DPH6: variants seen among roughly 807,000 people sequenced by gnomAD.
DPH6 encodes the protein diphthamine biosynthesis 6.
Under a neutral mutation model 38.2 loss-of-function variants are expected in DPH6, and 33 were observed. That is an observed-to-expected ratio of 0.86 (90% CI 0.65 to 1.15). The LOEUF (loss-of-function observed/expected upper bound fraction) is 1.15, where lower values mean the gene tolerates loss of function less well. Among genes scored for constraint, DPH6 ranks in the 50% most tolerant of loss-of-function variants. DPH6 has a pLI of 0.00. For missense variants in DPH6, 325 were observed against 320.0 expected (o/e 1.02, Z -0.12); for synonymous variants, 108 against 103.0 (o/e 1.05, Z -0.30).
chr15:35,237,967 G>A (rs1183285790), intron 3 of DPH6: 18 of 1,428,616 alleles, frequency 1.3e-5, no homozygotes, highest in African/African-American at 1.4e-5. Flanking sequence ...ACGATGGAGA[G>A]GTTGATGATG....
At chr15:35,216,171 C>T (rs2051410179), downstream of DPH6, among the ~76,000 whole-genome samples, 1 of 152,184 alleles carries the variant, frequency 6.6e-6, no homozygotes, top group Non-Finnish European at 1.5e-5. Context: ...GGCCTTTGGA[C>T]AGGTTACCCT....
At chr15:35,381,683 T>C (rs1231873576) in intron 7 of DPH6, 139 bp downstream of exon 7, 1 of 680,466 alleles carries the variant, frequency 1.5e-6, no homozygotes, top group Non-Finnish European at 2.6e-6. Context: ...ACTTCACTGG[T>C]ATTAAACAAA....
intron 7 of DPH6, 53 bp from the exon 8 acceptor site, chr15:35,373,661 A>G (rs1305246296): frequency 6.8e-7 from 1 of 1,462,034 alleles, no homozygotes; most frequent in Non-Finnish European, 9.5e-7. Flanking sequence ...ATTGTGACAA[A>G]TCATTCCTCC....
chr15:35,417,117 T>C (rs2053446183), intron 5 of DPH6, among the ~76,000 whole-genome samples: 1 of 152,088 alleles, frequency 6.6e-6, no homozygotes, highest in Admixed American at 6.6e-5. Flanking sequence ...GTATAAAGAT[T>C]GAATACTTAA....
rs367968551 is a variant in DPH6 at position 35,517,634 on chromosome 15, GT to G, written c.312+20639del. 6.9e-3 allele frequency among the ~76,000 whole-genome samples: 1,042 copies of G among 152,060 alleles called. 16 individuals are homozygous for G. The highest frequency in any genetic ancestry group is 0.024 in the African/African-American group (985 of 41,514). ...TAAAAAGATACTTTCACAGTTCTCA[GT>G]TTTAACCCAAGTGATATACAAAAAA... On this transcript the variant is annotated intron_variant, in intron 3 of 8. Transcript: ENST00000256538.
chr15:35,172,795 G>C, the DPH6 span, among the ~76,000 whole-genome samples: 1 of 151,992 alleles, frequency 6.6e-6, no homozygotes, highest in African/African-American at 2.4e-5. Context: ...GGGCTCAAGC[G>C]ATCCTCCTGC....
chr15:35,451,696 G>A (rs1595377139), intron 4 of DPH6, among the ~76,000 whole-genome samples: 1 of 152,062 alleles, frequency 6.6e-6, no homozygotes. Context: ...TTTCAACACA[G>A]CAGCCAATGT....
At chr15:35,531,718 C>T (rs376559995) in intron 3 of DPH6, among the ~76,000 whole-genome samples, 1 of 152,264 alleles carries the variant, frequency 6.6e-6, no homozygotes, top group Middle Eastern at 3.4e-3. Flanking sequence ...GTCTGCCCGC[C>T]TCGGCCTCCT....
intron 3 of DPH6, among the ~76,000 whole-genome samples, chr15:35,511,136 T>G (rs1050551119): frequency 6.6e-6 from 1 of 152,184 alleles, no homozygotes; most frequent in Non-Finnish European, 1.5e-5. Context: ...GAATTTTTAA[T>G]AAGATCCCCA....
chr15:35,149,110 C>A, the DPH6 span, among the ~76,000 whole-genome samples: 2 of 152,158 alleles, frequency 1.3e-5, no homozygotes, highest in Admixed American at 1.3e-4. Flanking sequence ...CAGCCTATAA[C>A]TATCCTTATA....
chr15:35,223,243 C>T (rs2051454350), intron 3 of DPH6, among the ~76,000 whole-genome samples: 1 of 151,976 alleles, frequency 6.6e-6, no homozygotes. Flanking sequence ...GGTAGAAGAG[C>T]AAAAAGAGGG....
the DPH6 span, among the ~76,000 whole-genome samples, chr15:35,164,810 G>T: frequency 6.5e-4 from 99 of 151,754 alleles, no homozygotes; most frequent in Non-Finnish European, 1.1e-3. Flanking sequence ...CACCTTTCTA[G>T]GCATTGGCCT....
chr15:35,461,721 C>T (rs1566918878), intron 3 of DPH6, among the ~76,000 whole-genome samples: 1 of 151,920 alleles, frequency 6.6e-6, no homozygotes. Flanking sequence ...CCACTTTTTA[C>T]TTTATATATT....
chr15:35,456,672 GA>G, intron 3 of DPH6, among the ~76,000 whole-genome samples: 1 of 151,804 alleles, frequency 6.6e-6, no homozygotes, highest in East Asian at 1.9e-4. Flanking sequence ...ATTTTTAGTA[GA>G]GACGGGGTTT....
intron 3 of DPH6, among the ~76,000 whole-genome samples, chr15:35,325,339 T>G (rs1330666774): frequency 1.3e-5 from 2 of 152,160 alleles, no homozygotes; most frequent in Non-Finnish European, 2.9e-5. Context: ...TAAAAGCTAC[T>G]ATAATTCAGA....
chr15:35,480,318 C>G (rs941640725), intron 3 of DPH6, among the ~76,000 whole-genome samples: 1 of 152,066 alleles, frequency 6.6e-6, no homozygotes, highest in Non-Finnish European at 1.5e-5. Context: ...AAACAGTTGC[C>G]TACAGACAAT....
intron 3 of DPH6, among the ~76,000 whole-genome samples, chr15:35,360,146 C>T (rs2052601612): frequency 6.6e-6 from 1 of 152,136 alleles, no homozygotes; most frequent in African/African-American, 2.4e-5. Flanking sequence ...CAGTCTTTAA[C>T]AGACTGATTT....
chr15:35,232,597 A>G (rs1351378032), intron 3 of DPH6, among the ~76,000 whole-genome samples: 4 of 152,098 alleles, frequency 2.6e-5, no homozygotes, highest in Admixed American at 2.6e-4. Flanking sequence ...AAAAACAAAA[A>G]CAAAAACAAA....
At chr15:35,296,344 T>C (rs2052014695) in intron 3 of DPH6, among the ~76,000 whole-genome samples, 1 of 152,204 alleles carries the variant, frequency 6.6e-6, no homozygotes, top group Non-Finnish European at 1.5e-5. Flanking sequence ...ATTTGCTAAC[T>C]ACCATCTTCT....
Sources: gnomAD v4.1 joint callset for allele counts (sites outside exome capture counted in the v4.1 genomes callset) on GRCh38, gnomAD v4.1.1 for gene constraint, MANE v1.5 for transcripts, NCBI Gene and HGNC (gene_info 2026-07-23, HGNC 2026-07-21) for gene names.